The following MAMDC2 variants were observed in gnomAD, a reference collection of about 807,000 sequenced individuals.
MAMDC2 encodes the protein MAM domain containing 2, also known as MAM domain-containing protein 2.
Under a neutral mutation model 89.8 loss-of-function variants are expected in MAMDC2, and 57 were observed. The observed-to-expected ratio is 0.63, with a 90% confidence interval of 0.51 to 0.79. The LOEUF (loss-of-function observed/expected upper bound fraction) is 0.79, where lower values mean the gene tolerates loss of function less well. Among genes scored for constraint, MAMDC2 ranks in the 30% least tolerant of loss-of-function variants. The probability of loss-of-function intolerance (pLI) is 0.00; values close to 1 mark genes in which losing one functional copy is unlikely to be tolerated. For missense variants in MAMDC2, 800 were observed against 820.6 expected (o/e 0.97, Z 0.31); for synonymous variants, 313 against 293.4 (o/e 1.07, Z -0.68).
At position 70,044,761 on chromosome 9, in the gene MAMDC2, T is replaced by C. The variant is rs545062040; in HGVS notation, c.148+64T>C. The C allele has an allele frequency of 1.1e-5, 13 of 1,163,266 alleles. No individual in the cohort carries two copies. In the African/African-American group the frequency reaches 1.2e-4, roughly 11 times the overall value. 72.1% of individuals were successfully genotyped at this position (1,163,266 alleles called of 1,614,324 possible). ...TCTTCCTTGATGGCTTGCTTTTTTT[T>C]CCCACATGGGTAATGTTATCTTGGA... On this transcript the variant is annotated intron_variant, in intron 2 of 13. Coordinates refer to ENST00000377182, the MANE Select transcript of MAMDC2 (RefSeq NM_153267.5).
rs937317913 is a variant in MAMDC2, at chr9:70,195,965, A to C, written c.1652-22372A>C. Among the ~76,000 whole-genome samples, 54 of 152,132 alleles carry C rather than the reference A, an allele frequency of 3.5e-4. 1 individual carries two copies. Among genetic ancestry groups the C allele is most frequent in the Non-Finnish European group, 1.8e-4 (12 of 67,998 alleles). On this transcript the variant is annotated intron_variant, in intron 11 of 13. Coordinates refer to ENST00000377182, the MANE Select transcript of MAMDC2 (RefSeq NM_153267.5). Reference sequence around the variant, plus strand: ...AATAAAGACATACTTGAGACTGGATAATTTATAAAGGAAAGGAGGTTTAAT... The same window carrying C: ...AATAAAGACATACTTGAGACTGGATCATTTATAAAGGAAAGGAGGTTTAAT...
chr9:70,112,958 T>C lies in MAMDC2; in HGVS notation c.506-37T>C, dbSNP rs371824365. On this transcript the variant is annotated intron_variant, in intron 4 of 13. Coordinates refer to ENST00000377182, the MANE Select transcript of MAMDC2 (RefSeq NM_153267.5). Reference sequence around the variant, plus strand: ...TAGGATGCGTGTACCCAGGTGTGACTGTGTCTCCATGAAGTGTTTTTGTTT... The same window carrying C: ...TAGGATGCGTGTACCCAGGTGTGACCGTGTCTCCATGAAGTGTTTTTGTTT... The C allele has an allele frequency of 1.7e-5, 27 of 1,613,244 alleles. No individual in the cohort carries two copies. The African/African-American group carries it at 2.1e-4, about 13-fold the overall frequency.
chr9:70,188,300 C>T (rs73448668), intron 11 of MAMDC2, among the ~76,000 whole-genome samples: 172 of 152,202 alleles, frequency 1.1e-3, no homozygotes, highest in Middle Eastern at 3.4e-3. Flanking sequence ...TTAACAATTA[C>T]GATTTACAAT....
Position 70,200,075 on chromosome 9 carries a change from T to A in MAMDC2, c.1652-18262T>A, listed in dbSNP as rs546878134. Among the ~76,000 whole-genome samples, 324 of 150,834 alleles carry A rather than the reference T, an allele frequency of 2.1e-3. 2 individuals are homozygous for A. Among genetic ancestry groups the A allele is most frequent in the African/African-American group, 7.6e-3 (317 of 41,450 alleles). ...GTTTAATTAGATCCCATTTGTCAAT[T>A]TTGGCTTTTGTTGCCATTGCTTTTG... On this transcript the variant is annotated intron_variant, in intron 11 of 13. Transcript: ENST00000377182.
chr9:70,175,765 G>C (rs2032479072), intron 11 of MAMDC2: 1 of 152,160 alleles, frequency 6.6e-6, no homozygotes, highest in African/African-American at 2.4e-5. Flanking sequence ...AGGTCTGGCA[G>C]CTTAAAGTCC....
At chr9:70,158,309 A>G (rs2031839802) in intron 9 of MAMDC2, among the ~76,000 whole-genome samples, 1 of 152,292 alleles carries the variant, frequency 6.6e-6, no homozygotes, top group African/African-American at 2.4e-5. Context: ...TTTTAAAAAC[A>G]TAATACCCTG....
chr9:70,209,728 G>T (rs1247474238), intron 11 of MAMDC2, among the ~76,000 whole-genome samples: 3 of 152,074 alleles, frequency 2.0e-5, no homozygotes, highest in African/African-American at 7.2e-5. Context: ...TGTGATGTTA[G>T]GGTGTCAATT....
chr9:70,200,585 GAAGA>G (rs1212980323), intron 11 of MAMDC2, among the ~76,000 whole-genome samples: 1 of 149,288 alleles, frequency 6.7e-6, no homozygotes, highest in Non-Finnish European at 1.5e-5. Flanking sequence ...CCAATTCTGT[GAAGA>G]AAGTCATTGG....
intron 2 of MAMDC2, among the ~76,000 whole-genome samples, chr9:70,102,342 G>C (rs561078727): frequency 2.6e-4 from 40 of 152,184 alleles, no homozygotes; most frequent in Non-Finnish European, 1.9e-4. Flanking sequence ...ACACCTGAAG[G>C]ACGGGGCATT....
Position 70,170,479 on chromosome 9 carries a change from A to C in MAMDC2, c.1499A>C (p.Glu500Ala), listed in dbSNP as rs1334957574. The C allele has an allele frequency of 4.4e-6, 7 of 1,602,296 alleles. No individual in the cohort carries two copies. Among genetic ancestry groups the C allele is most frequent in the East Asian group, 2.2e-5 (1 of 44,698 alleles). The stretch of plus-strand genomic sequence containing the variant: ...TGCAACATCTGCTATTTTCTTGCAG[A>C]GAAACTTCCACCTCCACCTGGAGAG... ...TIQLGSCSSS[E>A]KLPPPPGECT... The change falls in exon 11 of 14, where the codon GAG becomes GCG. Residue 500 changes from glutamate (E) to alanine (A), a missense_variant and splice_region_variant. Physicochemically the swap from Glu to Ala is moderately radical, Grantham distance 107. Transcript: ENST00000377182.
At chr9:70,216,845 A>G (rs1003358978) in intron 11 of MAMDC2, among the ~76,000 whole-genome samples, 2 of 152,228 alleles carry the variant, frequency 1.3e-5, no homozygotes, top group African/African-American at 4.8e-5. Context: ...CTTCAGTGAC[A>G]TGATAGTGAT....
At chr9:70,209,020 G>A (rs1276278192) in intron 11 of MAMDC2, among the ~76,000 whole-genome samples, 1 of 152,148 alleles carries the variant, frequency 6.6e-6, no homozygotes, top group Non-Finnish European at 1.5e-5. Context: ...ATGTGCTGCT[G>A]GATTCGGTTT....
intron 9 of MAMDC2, 29 bp from the exon 10 acceptor site, chr9:70,168,673 A>C: frequency 6.3e-7 from 1 of 1,586,214 alleles, no homozygotes; most frequent in Non-Finnish European, 8.7e-7. Context: ...AGTTAACAGA[A>C]TTCATAGCTT....
chr9:70,070,895 T>C (rs562818010), intron 2 of MAMDC2, among the ~76,000 whole-genome samples: 1 of 152,312 alleles, frequency 6.6e-6, no homozygotes, highest in East Asian at 1.9e-4. Context: ...GATATAAATA[T>C]ATAACATCAC....
At position 70,168,752 on chromosome 9, in the gene MAMDC2, C is replaced by T. The variant is rs17051488; in HGVS notation, c.1455C>T (p.Ala485=). The T allele has an allele frequency of 8.7e-6, 14 of 1,613,976 alleles. No homozygotes were observed. Among genetic ancestry groups the T allele is most frequent in the Non-Finnish European group, 1.2e-5 (14 of 1,179,958 alleles). The stretch of plus-strand genomic sequence containing the variant: ...GTTTCTGGGACTGTGGGCTTGTAGC[C>T]CTGGATGACATTACAATACAATTGG... ...CKSFWDCGLV[A]LDDITIQLGS... The change falls in exon 10 of 14, where the codon GCC becomes GCT. Residue 485 remains alanine (A), a synonymous_variant. Coordinates refer to ENST00000377182, the MANE Select transcript of MAMDC2 (RefSeq NM_153267.5).
At chr9:70,214,341 A>G (rs2309644) in intron 11 of MAMDC2, among the ~76,000 whole-genome samples, 130,345 of 152,148 alleles carry the variant, frequency 0.86, 56,080 homozygotes, top group East Asian at 0.96. Context: ...TAGAGGAAGA[A>G]CCAGACTTAG....
At chr9:70,162,711 C>T (rs1285136841) in intron 9 of MAMDC2, among the ~76,000 whole-genome samples, 2 of 151,926 alleles carry the variant, frequency 1.3e-5, no homozygotes, top group Non-Finnish European at 2.9e-5. Context: ...AGGCTGGTCT[C>T]GAACTGGCTG....
chr9:70,135,555 T>G (rs572625133), intron 7 of MAMDC2, among the ~76,000 whole-genome samples: 6 of 152,306 alleles, frequency 3.9e-5, no homozygotes, highest in African/African-American at 1.2e-4. Flanking sequence ...AATCCCATCA[T>G]CAGAAAAATA....
intron 3 of MAMDC2, chr9:70,109,455 C>T: frequency 5.1e-6 from 2 of 389,386 alleles, no homozygotes; most frequent in Non-Finnish European, 4.6e-6. Flanking sequence ...AGACAGCTGA[C>T]TCTGAGCTTC....
Sources: allele counts gnomAD v4.1 joint callset (sites outside exome capture counted in the v4.1 genomes callset), GRCh38; gene constraint gnomAD v4.1.1; transcripts MANE v1.5; gene names NCBI Gene and HGNC (gene_info 2026-07-23, HGNC 2026-07-21).